DGLUCY: variants seen among roughly 807,000 people sequenced by gnomAD.
The protein encoded by DGLUCY is D-glutamate cyclase.
DGLUCY carries 58 observed loss-of-function variants against 58.5 expected under a neutral mutation model. The observed-to-expected ratio is 0.99, with a 90% CI of 0.80 to 1.23. The LOEUF is 1.23. Among genes scored for constraint, DGLUCY ranks in the 50% most tolerant of loss-of-function variants. The pLI is 0.00. For synonymous variants in DGLUCY, 325 were observed against 314.1 expected (o/e 1.03, Z -0.37); for missense variants, 779 against 784.7 (o/e 0.99, Z 0.09).
intron 1 of DGLUCY, among the ~76,000 whole-genome samples, chr14:91,071,149 G>A (rs545781246): frequency 9.4e-4 from 142 of 151,632 alleles, no homozygotes; most frequent in Non-Finnish European, 1.6e-3. Flanking sequence ...TGGCAAACAC[G>A]GTGAAACCCC....
intron 9 of DGLUCY, among the ~76,000 whole-genome samples, chr14:91,193,850 A>C (rs1012031418): frequency 6.6e-6 from 1 of 151,678 alleles, no homozygotes; most frequent in Non-Finnish European, 1.5e-5. Flanking sequence ...TTAGAAAAAA[A>C]AAAAAAAAAA....
chr14:91,074,904 C>T, intron 1 of DGLUCY, among the ~76,000 whole-genome samples: 1 of 152,064 alleles, frequency 6.6e-6, no homozygotes, highest in East Asian at 1.9e-4. Flanking sequence ...GAAACCCCAT[C>T]TCTACTAAAA....
At chr14:91,221,980 TACACACTCAGCATCC>T (rs1224516383) in intron 13 of DGLUCY, among the ~76,000 whole-genome samples, 1 of 152,102 alleles carries the variant, frequency 6.6e-6, no homozygotes, top group Non-Finnish European at 1.5e-5. Flanking sequence ...ACTCAGCCTC[TACACACTCAGCATCC>T]ACACACTCAG....
chr14:91,102,672 A>T (rs1228063283), intron 1 of DGLUCY, among the ~76,000 whole-genome samples: 1 of 149,934 alleles, frequency 6.7e-6, no homozygotes, highest in Non-Finnish European at 1.5e-5. Flanking sequence ...GGGGAATTGC[A>T]TGTGCTCTAG....
chr14:91,135,340 A>G (rs1326382743), intron 1 of DGLUCY, among the ~76,000 whole-genome samples: 1 of 152,146 alleles, frequency 6.6e-6, no homozygotes, highest in Non-Finnish European at 1.5e-5. Flanking sequence ...GATGCTTTCA[A>G]CATTCACCAT....
intron 10 of DGLUCY, 75 bp from the exon 11 acceptor site, chr14:91,199,682 A>G: frequency 6.6e-7 from 1 of 1,524,560 alleles, no homozygotes; most frequent in Non-Finnish European, 8.9e-7. Context: ...TCGCGCAAAC[A>G]CAAGAAGGCA....
intron 9 of DGLUCY, among the ~76,000 whole-genome samples, chr14:91,193,848 A>T (rs1322232372): frequency 1.3e-5 from 2 of 151,564 alleles, no homozygotes; most frequent in Non-Finnish European, 2.9e-5. Context: ...TCTTAGAAAA[A>T]AAAAAAAAAA....
At chr14:91,096,579 G>A (rs765886952) in intron 1 of DGLUCY, among the ~76,000 whole-genome samples, 43 of 152,124 alleles carry the variant, frequency 2.8e-4, no homozygotes, top group Admixed American at 2.6e-3. Context: ...AAATTGCCTG[G>A]GGACTGACCA....
intron 1 of DGLUCY, among the ~76,000 whole-genome samples, chr14:91,083,313 G>A (rs1228402565): frequency 1.3e-5 from 2 of 152,166 alleles, no homozygotes; most frequent in Admixed American, 6.5e-5. Context: ...CCTGAGGTCA[G>A]GAGTTCGAGA....
intron 1 of DGLUCY, among the ~76,000 whole-genome samples, chr14:91,086,368 C>G (rs1276275270): frequency 6.6e-6 from 1 of 152,106 alleles, no homozygotes; most frequent in Non-Finnish European, 1.5e-5. Flanking sequence ...GAAACTTGTC[C>G]CTGGTGCCAA....
In DGLUCY at chr14:91,217,483, CTTTTTT is replaced by C. The variant is rs11306803; in HGVS notation, c.1716+1940_1716+1945del. On this transcript the variant is annotated intron_variant, in intron 13 of 13. Coordinates refer to ENST00000256324, the MANE Select transcript of DGLUCY (RefSeq NM_001102368.3). ...GTCCGCATTGCTGCCCCTTTTCTGT[CTTTTTT>C]TTTTTTTTTTTTGAGACAGAGTTTT... Among the ~76,000 whole-genome samples the C allele has an allele frequency of 4.1e-5, 5 of 123,156 alleles. No individual in the cohort carries two copies. In the East Asian group the frequency reaches 7.2e-4, roughly 18 times the overall value. 80.8% of individuals were successfully genotyped at this position (123,156 alleles called of 152,430 possible).
At position 91,160,359 on chromosome 14, in the gene DGLUCY, A is replaced by G. The variant is rs1159500438; in HGVS notation, c.65A>G (p.Lys22Arg). 1 of 1,613,516 alleles carries G rather than the reference A, an allele frequency of 6.2e-7. No individual in the cohort carries two copies. The highest frequency in any genetic ancestry group is 8.5e-7 in the Non-Finnish European group (1 of 1,179,700). Residue 22 changes from lysine to arginine, a missense_variant, in exon 3 of 14, where the codon AAG becomes AGG. Transcript: ENST00000256324. ...PSAIRSLILQKKPNIRNTSSM... is the reference protein window; with the variant it reads ...PSAIRSLILQRKPNIRNTSSM... ...GCCATAAGGAGTTTGATTCTACAAA[A>G]GAAACCAAACATCAGAAATACATCC...
chr14:91,097,010 A>G (rs1014541102), intron 1 of DGLUCY, among the ~76,000 whole-genome samples: 3 of 152,254 alleles, frequency 2.0e-5, no homozygotes, highest in Admixed American at 6.5e-5. Flanking sequence ...AGCAAAAAAT[A>G]GACTGGTGGT....
intron 1 of DGLUCY, among the ~76,000 whole-genome samples, chr14:91,097,647 A>C (rs1442189262): frequency 2.7e-5 from 4 of 149,768 alleles, no homozygotes; most frequent in African/African-American, 9.8e-5. Context: ...GTCTCTCTCT[A>C]CTTGGCGATC....
At chr14:91,196,524 AT>A in intron 10 of DGLUCY, 50 bp downstream of exon 10, 1 of 1,473,606 alleles carries the variant, frequency 6.8e-7, no homozygotes, top group Non-Finnish European at 9.5e-7. Flanking sequence ...AAACGCCCAT[AT>A]GCTCTTCACT....
intron 5 of DGLUCY, among the ~76,000 whole-genome samples, chr14:91,171,920 C>T (rs1459237083): frequency 6.6e-6 from 1 of 152,182 alleles, no homozygotes; most frequent in East Asian, 1.9e-4. Flanking sequence ...TCCCTTGCCT[C>T]CCTCTGCCCG....
chr14:91,137,706 CTA>C (rs1566960313), intron 1 of DGLUCY, among the ~76,000 whole-genome samples: 1 of 151,976 alleles, frequency 6.6e-6, no homozygotes, highest in Non-Finnish European at 1.5e-5. Flanking sequence ...GAGAATTTCT[CTA>C]TGGCTAGCTC....
At chr14:91,083,628 A>G (rs78443869) in intron 1 of DGLUCY, among the ~76,000 whole-genome samples, 3,553 of 152,188 alleles carry the variant, frequency 0.023, 69 homozygotes, top group African/African-American at 0.063. Context: ...CAGCAAGAGA[A>G]TACATTCCTT....
chr14:91,217,571 A>AC (rs1257371260), intron 13 of DGLUCY, among the ~76,000 whole-genome samples: 5 of 141,036 alleles, frequency 3.5e-5, no homozygotes, highest in Non-Finnish European at 7.6e-5. Flanking sequence ...CGCAACCTCC[A>AC]CCCCCCAAGT....
Sources: allele counts gnomAD v4.1 joint callset (sites outside exome capture counted in the v4.1 genomes callset), GRCh38; gene constraint gnomAD v4.1.1; transcripts MANE v1.5; gene names NCBI Gene and HGNC (gene_info 2026-07-23, HGNC 2026-07-21).